The following ARRB2 variants were observed in gnomAD, a reference collection of about 807,000 sequenced individuals.
ARRB2 encodes beta-arrestin-2.
Under a neutral mutation model 53.4 loss-of-function variants are expected in ARRB2, and 21 were observed. The ratio of observed to expected loss-of-function variants is 0.39; its 90% CI spans 0.28 to 0.57. The LOEUF (loss-of-function observed/expected upper bound fraction) is 0.57, where lower values mean the gene tolerates loss of function less well. Among genes scored for constraint, ARRB2 ranks in the 20% least tolerant of loss-of-function variants. ARRB2 has a pLI of 0.55. For synonymous variants in ARRB2, 180 were observed against 212.9 expected (o/e 0.85, Z 1.34); for missense variants, 369 against 527.5 (o/e 0.70, Z 2.94).
Position 4,716,498 on chromosome 17 carries a change from G to A in ARRB2, c.247G>A (p.Ala83Thr), listed in dbSNP as rs776875048. 9.9e-6 allele frequency: 16 copies of A among 1,613,864 alleles called. No individual in the cohort carries two copies. In the East Asian group the frequency reaches 1.8e-4, roughly 18 times the overall value. ...GTCCTTCCGCAAAGACCTGTTCATC[G>A]CCACCTACCAGGCCTTCCCCCCGGT... ...GLSFRKDLFI[A>T]TYQAFPPVPN... Residue 83 changes from alanine (A) to threonine (T), a missense_variant, in exon 5 of 15, where the codon GCC becomes ACC. Transcript: ENST00000269260.
At chr17:4,714,871 G>T in intron 1 of ARRB2, 142 bp from the exon 2 acceptor site, 1 of 746,690 alleles carries the variant, frequency 1.3e-6, no homozygotes, top group Non-Finnish European at 2.1e-6. Flanking sequence ...GGGGAAAGGG[G>T]CAGAGCTGGG....
chr17:4,713,456 C>T (rs1007211099), intron 1 of ARRB2, among the ~76,000 whole-genome samples: 1 of 152,066 alleles, frequency 6.6e-6, no homozygotes. Context: ...CACAGTGAAA[C>T]CCCATCTCTA....
At position 4,720,633 on chromosome 17, in the gene ARRB2, G is replaced by T; in HGVS notation, c.1129G>T (p.Asp377Tyr). 1.3e-6 allele frequency: 2 copies of T among 1,581,170 alleles called. No individual in the cohort carries two copies. Residue 377 changes from aspartate to tyrosine, a missense_variant, in exon 14 of 15, where the codon GAT becomes TAT. Physicochemically the swap from Asp to Tyr is radical, Grantham distance 160. Coordinates refer to ENST00000269260, the MANE Select transcript of ARRB2 (RefSeq NM_004313.4). ...TGTGGACACCAACCTCATTGAATTT[G>T]ATACCAAGTAAGAAACTCATTCCCC... The part of the protein sequence containing the change: ...VPVDTNLIEF[D>Y]TNYATDDDIV...
intron 13 of ARRB2, 39 bp from the exon 14 acceptor site, chr17:4,720,547 C>T (rs760589297): frequency 3.8e-6 from 6 of 1,573,554 alleles, no homozygotes; most frequent in Non-Finnish European, 5.2e-6. Flanking sequence ...CTGGCCCTTC[C>T]AGCACCCACC....
intron 1 of ARRB2, 58 bp downstream of exon 1, chr17:4,710,802 G>A (rs980584599): frequency 2.6e-4 from 102 of 397,896 alleles, no homozygotes; most frequent in Middle Eastern, 6.2e-4. Flanking sequence ...CGGGGGCTGG[G>A]ACGGTCCCAG....
Position 4,721,291 on chromosome 17 carries a change from G to A in ARRB2, c.*252G>A. 1 of 490,046 alleles carries A rather than the reference G, an allele frequency of 2.0e-6. No homozygotes were observed. The highest frequency in any genetic ancestry group is 3.5e-5 in the South Asian group (1 of 28,496). 30.4% of individuals were successfully genotyped at this position (490,046 alleles called of 1,614,324 possible). ...AGCCCCGCCGTGGGTGGCAAGCTGT[G>A]TTCATACCTAAATTTTCTGGAAGGG... On this transcript the variant is annotated 3_prime_UTR_variant, in exon 15 of 15. Transcript: ENST00000269260. This position sits in a 1 kb window ranked among gnomAD's most constrained non-coding sequence, Gnocchi z 4.2.
At chr17:4,711,139 G>A (rs187877885) in intron 1 of ARRB2, among the ~76,000 whole-genome samples, 87 of 152,230 alleles carry the variant, frequency 5.7e-4, no homozygotes, top group African/African-American at 1.4e-3. Flanking sequence ...CCAAGCCAAT[G>A]GAAAGCCTCC....
At chr17:4,716,742 G>C in intron 5 of ARRB2, 134 bp downstream of exon 5, 1 of 1,428,700 alleles carries the variant, frequency 7.0e-7, no homozygotes, top group Non-Finnish European at 9.2e-7. Flanking sequence ...TCCCTTCAGG[G>C]TCCCAGTGCA....
intron 1 of ARRB2, among the ~76,000 whole-genome samples, chr17:4,711,177 T>G (rs2150579057): frequency 6.6e-6 from 1 of 152,210 alleles, no homozygotes; most frequent in East Asian, 1.9e-4. Flanking sequence ...GTAGTCGCGC[T>G]GCCCACACCT....
At position 4,716,605 on chromosome 17, in the gene ARRB2, C is replaced by A; in HGVS notation, c.354C>A (p.Phe118Leu). Residue 118 changes from phenylalanine (F) to leucine (L), a missense_variant, in exon 5 of 15, where the codon TTC (phenylalanine) becomes TTA (leucine). By Grantham distance (22) the Phe-to-Leu change is conservative. Coordinates refer to ENST00000269260, the MANE Select transcript of ARRB2 (RefSeq NM_004313.4). ...GCCAGCATGCCCACCCCTTCTTCTTCACCGTGAGGATGCCCCTGCCCTCTG... is the reference window on the plus strand; with the variant it reads ...GCCAGCATGCCCACCCCTTCTTCTTAACCGTGAGGATGCCCCTGCCCTCTG... ...KLGQHAHPFF[F>L]TIPQNLPCSV... 6.7e-7 allele frequency: 1 copy of A among 1,486,024 alleles called. No individual in the cohort carries two copies. The allele number at this position is 1,486,024 out of a possible 1,614,324, so 92.1% of individuals were successfully genotyped here. A position where few individuals can be genotyped will look rare whatever the true frequency, so the allele number is the denominator to read the frequency against.
Position 4,717,280 on chromosome 17 carries a change from C to T in ARRB2, c.417+4C>T, listed in dbSNP as rs201410393. 1,145 of 1,613,904 alleles carry T rather than the reference C, an allele frequency of 7.1e-4. 3 individuals carry two copies. Among genetic ancestry groups the T allele is most frequent in the Non-Finnish European group, 9.3e-4 (1,098 of 1,179,918 alleles). Reference sequence around the variant, plus strand: ...AGGCCCAGAGGATACAGGAAAGGTACGGGAGGAACAGCTCTGAGGGCTCCT... The same window carrying T: ...AGGCCCAGAGGATACAGGAAAGGTATGGGAGGAACAGCTCTGAGGGCTCCT... On this transcript the variant is annotated splice_donor_region_variant and intron_variant, in intron 6 of 14. Coordinates refer to ENST00000269260, the MANE Select transcript of ARRB2 (RefSeq NM_004313.4). The surrounding 1 kb of genome is among the most constrained non-coding windows in gnomAD (Gnocchi z 6.0).
In ARRB2 at chr17:4,721,068, G is replaced by A. The variant is rs751079111; in HGVS notation, c.*29G>A. The A allele has an allele frequency of 3.8e-6, 6 of 1,597,856 alleles. No individual in the cohort carries two copies. The East Asian group carries it at 1.1e-4, about 30-fold the overall frequency. ...GCGGGGTGGGAAGAAGGGAGGGGAT[G>A]GGGTTGGGAGAGGTGAGGGCAGGAT... On this transcript the variant is annotated 3_prime_UTR_variant, in exon 15 of 15. Transcript: ENST00000269260. The surrounding 1 kb of genome is among the most constrained non-coding windows in gnomAD (Gnocchi z 4.2).
At position 4,717,550 on chromosome 17, in the gene ARRB2, A is replaced by C. The variant is rs1597482844; in HGVS notation, c.418-135A>C. On this transcript the variant is annotated intron_variant, in intron 6 of 14. Transcript: ENST00000269260. This position sits in a 1 kb window ranked among gnomAD's most constrained non-coding sequence, Gnocchi z 6.0. Reference sequence around the variant, plus strand: ...AGGTTCTGGGCTTTGGAGAGGAAGAAGACTTAGTCCCCAGGGTCGTGAGAC... The same window carrying C: ...AGGTTCTGGGCTTTGGAGAGGAAGACGACTTAGTCCCCAGGGTCGTGAGAC... 1 of 1,211,662 alleles carries C rather than the reference A, an allele frequency of 8.3e-7. No individual in the cohort carries two copies. Among genetic ancestry groups the C allele is most frequent in the Non-Finnish European group, 1.2e-6 (1 of 840,380 alleles). 75.1% of individuals were successfully genotyped at this position (1,211,662 alleles called of 1,614,324 possible). A position where few individuals can be genotyped will look rare whatever the true frequency, so the allele number is the denominator to read the frequency against.
intron 2 of ARRB2, chr17:4,715,467 C>CCAAA (rs1914854255): frequency 4.4e-6 from 1 of 226,838 alleles, no homozygotes; most frequent in Non-Finnish European, 8.5e-6. Context: ...CCCCGAGGAT[C>CCAAA]CAAACACACA....
chr17:4,714,915 T>C, intron 1 of ARRB2, 98 bp from the exon 2 acceptor site: 1 of 1,299,826 alleles, frequency 7.7e-7, no homozygotes, highest in Middle Eastern at 2.1e-4. Flanking sequence ...GAGGCCTGGG[T>C]GAGCACTGCT....
chr17:4,712,314 C>A (rs1183731674), intron 1 of ARRB2, among the ~76,000 whole-genome samples: 2 of 152,234 alleles, frequency 1.3e-5, no homozygotes, highest in Admixed American at 1.3e-4. Flanking sequence ...CTTTGCCTTA[C>A]AACCTTTGGA....
intron 1 of ARRB2, among the ~76,000 whole-genome samples, chr17:4,714,348 ACTAT>A (rs1048417670): frequency 1.8e-4 from 28 of 152,114 alleles, no homozygotes; most frequent in Non-Finnish European, 3.7e-4. Flanking sequence ...TGTGGTAGAA[ACTAT>A]CTGAGGGCCA....
chr17:4,718,343 C>A lies in ARRB2; in HGVS notation c.704C>A (p.Ser235Tyr). 1 of 1,609,786 alleles carries A rather than the reference C, an allele frequency of 6.2e-7. No individual in the cohort carries two copies. Among genetic ancestry groups the A allele is most frequent in the Admixed American group, 1.7e-5 (1 of 59,438 alleles). Residue 235 changes from serine to tyrosine, a missense_variant and splice_region_variant, in exon 9 of 15, where the codon TCT (serine) becomes TAT (tyrosine). Coordinates refer to ENST00000269260, the MANE Select transcript of ARRB2 (RefSeq NM_004313.4). ...AAGACCGTCAAGAAGATCAAAGTCT[C>A]TGGTAGGAGGTGGGGTTTGGAAGGG... ...STKTVKKIKV[S>Y]VRQYADICLF...
chr17:4,720,429 C>A lies in ARRB2; in HGVS notation c.1038C>A (p.His346Gln). Residue 346 changes from histidine to glutamine, a missense_variant, in exon 13 of 15, where the codon CAC (histidine) becomes CAA (glutamine). Physicochemically the swap from His to Gln is conservative, Grantham distance 24. Coordinates refer to ENST00000269260, the MANE Select transcript of ARRB2 (RefSeq NM_004313.4). ...TGGAGCTGCCTTTTGTTCTTATGCA[C>A]CCCAAGCCCCACGACCACATCCCCC... ...VSVELPFVLMHPKPHDHIPLP... is the reference protein window; with the variant it reads ...VSVELPFVLMQPKPHDHIPLP... 1.2e-6 allele frequency: 2 copies of A among 1,613,704 alleles called. No individual in the cohort carries two copies. Among genetic ancestry groups the A allele is most frequent in the Non-Finnish European group, 1.7e-6 (2 of 1,179,860 alleles).
Sources: gnomAD v4.1 joint callset for allele counts (sites outside exome capture counted in the v4.1 genomes callset) on GRCh38, gnomAD v4.1.1 for gene constraint, Gnocchi (gnomAD v3.1) non-coding constraint, MANE v1.5 for transcripts, NCBI Gene and HGNC (gene_info 2026-07-23, HGNC 2026-07-21) for gene names.